The following CAMTA1 variants were observed in gnomAD, a reference collection of about 807,000 sequenced individuals.
CAMTA1 encodes the protein calmodulin-binding transcription activator 1.
CAMTA1 carries 27 observed loss-of-function variants against 170.9 expected under a neutral mutation model. The observed-to-expected ratio is 0.16, with a 90% confidence interval of 0.12 to 0.22. CAMTA1 has a LOEUF of 0.22. Ranked by LOEUF, CAMTA1 falls within the 10% of genes least tolerant of loss-of-function variation. The pLI, the probability that CAMTA1 is intolerant of heterozygous loss-of-function variation, is 1.00. For synonymous variants in CAMTA1, 833 were observed against 891.5 expected (o/e 0.93, Z 1.17); for missense variants, 1,619 against 2,217.2 (o/e 0.73, Z 5.42).
intron 7 of CAMTA1, among the ~76,000 whole-genome samples, chr1:7,656,820 G>A (rs74053153): frequency 0.03 from 4,497 of 152,370 alleles, 208 homozygotes; most frequent in African/African-American, 0.1. Context: ...TGGGCCACAC[G>A]CTGTTGTCAT....
At chr1:6,980,247 C>G (rs968452055) in intron 3 of CAMTA1, among the ~76,000 whole-genome samples, 2 of 152,114 alleles carry the variant, frequency 1.3e-5, no homozygotes, top group Admixed American at 6.6e-5. Context: ...CCTGATGGGC[C>G]CTTACCATTC....
At chr1:7,019,965 C>T (rs1465813320) in intron 3 of CAMTA1, among the ~76,000 whole-genome samples, 3 of 152,234 alleles carry the variant, frequency 2.0e-5, no homozygotes, top group African/African-American at 4.8e-5. Context: ...AAGTTGGGCT[C>T]CACCCTCAGA....
Position 7,431,291 on chromosome 1 carries a change from C to T in CAMTA1, c.439-36539C>T, listed in dbSNP as rs541062222. 7.9e-4 allele frequency among the ~76,000 whole-genome samples: 120 copies of T among 152,314 alleles called. 1 individual carries two copies. Among genetic ancestry groups the T allele is most frequent in the Admixed American group, 1.2e-3 (19 of 15,304 alleles). On this transcript the variant is annotated intron_variant, in intron 5 of 22. Transcript: ENST00000303635. ...GCAGCTGGGTCCTCAAGGAGCCTGGCCAGGAAGCTTGGTTTGAAAGGGCAA... is the reference window on the plus strand; with the variant it reads ...GCAGCTGGGTCCTCAAGGAGCCTGGTCAGGAAGCTTGGTTTGAAAGGGCAA...
intron 4 of CAMTA1, among the ~76,000 whole-genome samples, chr1:7,156,275 CA>C (rs34284954): frequency 0.036 from 4,131 of 114,724 alleles, 111 homozygotes; most frequent in African/African-American, 0.091. Flanking sequence ...AACTCCACCT[CA>C]AAAAAAAAAA....
At position 7,437,080 on chromosome 1, in the gene CAMTA1, C is replaced by T. The variant is rs185337732; in HGVS notation, c.439-30750C>T. ...GGAGCAGAAAGGGGAAACTGACAGC[C>T]GCAGGCAAGCAGAGGAGGCCGCAGA... On this transcript the variant is annotated intron_variant, in intron 5 of 22. Coordinates refer to ENST00000303635, the MANE Select transcript of CAMTA1 (RefSeq NM_015215.4). Among the ~76,000 whole-genome samples the T allele has an allele frequency of 2.0e-3, 310 of 152,106 alleles. 4 individuals carry two copies. The highest frequency in any genetic ancestry group is 7.1e-3 in the African/African-American group (296 of 41,498).
In CAMTA1 at chr1:7,570,154, TG is replaced by T. The variant is rs145037945; in HGVS notation, c.511-70240del. On this transcript the variant is annotated intron_variant, in intron 6 of 22. Transcript: ENST00000303635. The surrounding 1 kb of genome is among the most constrained non-coding windows in gnomAD (Gnocchi z 4.3). ...AGATCAGGGATCCCTTGCTGGGCAC[TG>T]GGGGGATCCAAAACTCCCTGCAGGA... 0.11 allele frequency among the ~76,000 whole-genome samples: 16,841 copies of T among 152,080 alleles called. 998 individuals carry two copies. Among genetic ancestry groups the T allele is most frequent in the African/African-American group, 0.13 (5,316 of 41,470 alleles).
rs1475850326 is a variant in CAMTA1, at chr1:7,767,361, A to G, written c.*870A>G. The G allele has an allele frequency of 1.3e-5, 2 of 152,740 alleles. No individual in the cohort carries two copies. The highest frequency in any genetic ancestry group is 4.8e-5 in the African/African-American group (2 of 41,426). The allele number at this position is 152,740 out of a possible 1,614,324, so 9.5% of individuals were successfully genotyped here. A position where few individuals can be genotyped will look rare whatever the true frequency, so the allele number is the denominator to read the frequency against. Reference sequence around the variant, plus strand: ...ATTGGTAACGCATGTAGCCTTTTTTAGTAACCTTGGAAGCTGTAGTAATTC... The same window carrying G: ...ATTGGTAACGCATGTAGCCTTTTTTGGTAACCTTGGAAGCTGTAGTAATTC... On this transcript the variant is annotated 3_prime_UTR_variant, in exon 23 of 23. Transcript: ENST00000303635.
At chr1:7,030,442 C>G (rs1216665057) in intron 3 of CAMTA1, among the ~76,000 whole-genome samples, 1 of 152,146 alleles carries the variant, frequency 6.6e-6, no homozygotes, top group Non-Finnish European at 1.5e-5. Context: ...GTACCAAAGT[C>G]CTCAGAAAAG....
intron 4 of CAMTA1, among the ~76,000 whole-genome samples, chr1:7,111,811 G>A (rs557725690): frequency 3.3e-5 from 5 of 151,676 alleles, no homozygotes; most frequent in African/African-American, 1.2e-4. Context: ...CTTGAACCCG[G>A]GAGGTGCAGG....
At chr1:6,876,222 C>G (rs969886989) in intron 3 of CAMTA1, among the ~76,000 whole-genome samples, 7 of 151,862 alleles carry the variant, frequency 4.6e-5, no homozygotes, top group African/African-American at 1.5e-4. Context: ...GTAGTTCCCT[C>G]TTTCCTTGTT....
intron 6 of CAMTA1, among the ~76,000 whole-genome samples, chr1:7,538,348 T>C (rs1487462260): frequency 6.7e-6 from 1 of 148,566 alleles, no homozygotes; most frequent in African/African-American, 2.6e-5. Context: ...CAAGGAGTTA[T>C]GTATTCTTTT....
At chr1:6,862,614 C>T (rs1557718945) in intron 3 of CAMTA1, among the ~76,000 whole-genome samples, 2 of 152,114 alleles carry the variant, frequency 1.3e-5, no homozygotes, top group African/African-American at 2.4e-5. Context: ...GTAGAAGGAA[C>T]ATTTTTCCTT....
chr1:7,391,328 A>AGTGT (rs35663101), intron 5 of CAMTA1, among the ~76,000 whole-genome samples: 96,105 of 146,838 alleles, frequency 0.65, 33,183 homozygotes, highest in East Asian at 0.83. Flanking sequence ...CCCTTTACAC[A>AGTGT]GTGTGTGTGT....
intron 3 of CAMTA1, among the ~76,000 whole-genome samples, chr1:6,979,437 G>C (rs1225747802): frequency 6.6e-6 from 1 of 152,220 alleles, no homozygotes; most frequent in Non-Finnish European, 1.5e-5. Context: ...GTGCATATGG[G>C]GAGGAGTCTC....
intron 11 of CAMTA1, among the ~76,000 whole-genome samples, chr1:7,700,340 A>G (rs895583369): frequency 1.3e-5 from 2 of 152,044 alleles, no homozygotes; most frequent in African/African-American, 4.8e-5. Flanking sequence ...AATATTTTCT[A>G]TTTCTTCAAG....
chr1:7,383,929 AT>A, intron 5 of CAMTA1, among the ~76,000 whole-genome samples: 1 of 152,196 alleles, frequency 6.6e-6, no homozygotes, highest in East Asian at 1.9e-4. Flanking sequence ...ATCTGCCCCC[AT>A]TTTTCCAGTA....
chr1:6,914,102 C>CTTT (rs35814913), intron 3 of CAMTA1, among the ~76,000 whole-genome samples: 16 of 122,056 alleles, frequency 1.3e-4, no homozygotes, highest in East Asian at 2.3e-4. Context: ...GGGCTCATCT[C>CTTT]TTTTTTTTTT....
chr1:7,517,552 A>G (rs905415904), intron 6 of CAMTA1, among the ~76,000 whole-genome samples: 1 of 99,776 alleles, frequency 1.0e-5, no homozygotes, highest in Non-Finnish European at 2.4e-5. Context: ...GCTTTGGTAT[A>G]TATCATCTCT....
chr1:6,902,039 T>TCTCA (rs1553180384), intron 3 of CAMTA1, among the ~76,000 whole-genome samples: 2 of 114,344 alleles, frequency 1.7e-5, no homozygotes, highest in South Asian at 6.4e-4. Context: ...GGTGAGACTG[T>TCTCA]CACACACACA....
Sources: gnomAD v4.1 joint callset for allele counts (sites outside exome capture counted in the v4.1 genomes callset) on GRCh38, gnomAD v4.1.1 for gene constraint, Gnocchi (gnomAD v3.1) non-coding constraint, MANE v1.5 for transcripts, NCBI Gene and HGNC (gene_info 2026-07-23, HGNC 2026-07-21) for gene names.